The following PTP4A1 variants were observed in gnomAD, a reference collection of about 807,000 sequenced individuals.
The protein encoded by PTP4A1 is protein tyrosine phosphatase type IVA 1.
In PTP4A1, 9 loss-of-function variants were observed where a neutral mutation model predicts 20.5. That is an observed-to-expected ratio of 0.44 (90% CI 0.26 to 0.77). The LOEUF (loss-of-function observed/expected upper bound fraction) is 0.77, where lower values mean the gene tolerates loss of function less well. Ranked by LOEUF, PTP4A1 falls within the 30% of genes least tolerant of loss-of-function variation. PTP4A1 has a pLI of 0.19. For synonymous variants in PTP4A1, 78 were observed against 67.4 expected, an observed-to-expected ratio of 1.16 and a Z score of -0.77; for missense variants, 137 against 218.8, an observed-to-expected ratio of 0.63 and a Z score of 2.36.
chr6:63,563,869 A>C (rs1201056654), intron 3 of PTP4A1, among the ~76,000 whole-genome samples: 1 of 152,248 alleles, frequency 6.6e-6, no homozygotes, highest in African/African-American at 2.4e-5. Flanking sequence ...AAAACTGGGA[A>C]TAGGATGCCC....
upstream of PTP4A1, among the ~76,000 whole-genome samples, chr6:63,567,983 C>G (rs1581942401): frequency 1.3e-5 from 2 of 152,378 alleles, no homozygotes; most frequent in East Asian, 3.9e-4. Flanking sequence ...CCTCACCTCT[C>G]TCAGCCTTCA....
chr6:63,567,691 C>A (rs1160611128), upstream of PTP4A1, among the ~76,000 whole-genome samples: 3 of 152,238 alleles, frequency 2.0e-5, no homozygotes, highest in Non-Finnish European at 2.9e-5. Flanking sequence ...AAGAGAACTG[C>A]CTGTCCTTCG....
intron 1 of PTP4A1, among the ~76,000 whole-genome samples, chr6:63,525,401 A>G (rs1308344482): frequency 6.6e-6 from 1 of 151,634 alleles, no homozygotes; most frequent in Non-Finnish European, 1.5e-5. Flanking sequence ...GGTGGAACAC[A>G]CTCCTTCCCG....
intron 2 of PTP4A1, among the ~76,000 whole-genome samples, chr6:63,530,399 TG>T (rs1392786593): frequency 6.6e-6 from 1 of 152,206 alleles, no homozygotes; most frequent in Non-Finnish European, 1.5e-5. Flanking sequence ...TGGTTTGCCC[TG>T]CCTTTTATTC....
At chr6:63,537,215 G>A (rs1581917386) in intron 2 of PTP4A1, among the ~76,000 whole-genome samples, 1 of 152,146 alleles carries the variant, frequency 6.6e-6, no homozygotes, top group East Asian at 1.9e-4. Flanking sequence ...TCCTGGTCGA[G>A]GCAAATGTGG....
rs748263564 is a variant in PTP4A1 at position 63,576,842 on chromosome 6, A to G, written c.-39A>G. The G allele has an allele frequency of 6.6e-7, 1 of 1,511,558 alleles. No individual in the cohort carries two copies. The highest frequency in any genetic ancestry group is 9.0e-7 in the Non-Finnish European group (1 of 1,105,178). 93.6% of individuals were successfully genotyped at this position (1,511,558 alleles called of 1,614,324 possible). On this transcript the variant is annotated 5_prime_UTR_variant, in exon 2 of 6. Transcript: ENST00000626021. ...ATTTCTGTATTCAATTTTTTTAATT[A>G]TTTCATAACCCTATTGAGTGTTTTT...
At chr6:63,561,015 T>C (rs1247729800) in intron 3 of PTP4A1, among the ~76,000 whole-genome samples, 1 of 152,220 alleles carries the variant, frequency 6.6e-6, no homozygotes, top group Non-Finnish European at 1.5e-5. Flanking sequence ...GCCAGTGCCT[T>C]TGTAATGGAA....
At chr6:63,521,300 A>G (rs1333374705), upstream of PTP4A1, among the ~76,000 whole-genome samples, 1 of 152,246 alleles carries the variant, frequency 6.6e-6, no homozygotes, top group African/African-American at 2.4e-5. Flanking sequence ...TTGCACAGAA[A>G]ATAATATCTG....
intron 5 of PTP4A1, among the ~76,000 whole-genome samples, chr6:63,579,843 C>T (rs1043081064): frequency 1.3e-5 from 2 of 152,062 alleles, no homozygotes; most frequent in Admixed American, 1.3e-4. Flanking sequence ...ACTGTTGTAA[C>T]CAATACTCAA....
intron 3 of PTP4A1, among the ~76,000 whole-genome samples, chr6:63,551,895 G>A (rs1417240357): frequency 6.6e-6 from 1 of 152,114 alleles, no homozygotes; most frequent in African/African-American, 2.4e-5. Context: ...TGGCTGCATA[G>A]TATTCCATGG....
At chr6:63,527,794 A>C (rs1419468089) in intron 1 of PTP4A1, 1 of 152,196 alleles carries the variant, frequency 6.6e-6, no homozygotes, top group African/African-American at 2.4e-5. Context: ...AGCTCACCTG[A>C]CAGATTGCTC....
At chr6:63,554,624 C>T (rs1433995054) in intron 3 of PTP4A1, among the ~76,000 whole-genome samples, 2 of 152,020 alleles carry the variant, frequency 1.3e-5, no homozygotes, top group Admixed American at 6.6e-5. Context: ...ATGGTGAAAC[C>T]CATCTCTACT....
intron 3 of PTP4A1, among the ~76,000 whole-genome samples, chr6:63,561,592 C>A (rs1247445146): frequency 6.6e-6 from 1 of 152,134 alleles, no homozygotes; most frequent in Non-Finnish European, 1.5e-5. Context: ...CAATCACATT[C>A]CAGGGCACTT....
At position 63,537,812 on chromosome 6, in the gene PTP4A1, G is replaced by A. The variant is rs116088163; in HGVS notation, c.-640+9728G>A. 6.2e-3 allele frequency among the ~76,000 whole-genome samples: 952 copies of A among 152,328 alleles called. 2 individuals are homozygous for A. The highest frequency in any genetic ancestry group is 9.1e-3 in the Non-Finnish European group (618 of 68,034). Reference sequence around the variant, plus strand: ...GGAAGGAGGGTGACTATCCTAACCCGTAGGGCACAATGAGGACACCTCAAC... The same window carrying A: ...GGAAGGAGGGTGACTATCCTAACCCATAGGGCACAATGAGGACACCTCAAC... On this transcript the variant is annotated intron_variant, in intron 2 of 3. Coordinates refer to the PTP4A1 transcript ENST00000639568.
chr6:63,516,805 C>T (rs1774745126), upstream of PTP4A1, among the ~76,000 whole-genome samples: 1 of 152,172 alleles, frequency 6.6e-6, no homozygotes, highest in African/African-American at 2.4e-5. Flanking sequence ...TTCCTTCTTC[C>T]TACAGCTAGA....
chr6:63,539,483 A>G (rs1286248759), intron 2 of PTP4A1, among the ~76,000 whole-genome samples: 1 of 152,180 alleles, frequency 6.6e-6, no homozygotes, highest in Admixed American at 6.5e-5. Flanking sequence ...CTAAAAGAAA[A>G]TAGGCAAAGG....
At chr6:63,531,815 T>C (rs1252057574) in intron 2 of PTP4A1, among the ~76,000 whole-genome samples, 1 of 151,996 alleles carries the variant, frequency 6.6e-6, no homozygotes, top group Non-Finnish European at 1.5e-5. Context: ...TATCTGCATG[T>C]TTATGGCCAC....
At chr6:63,543,398 T>A (rs1776061112) in intron 2 of PTP4A1, among the ~76,000 whole-genome samples, 1 of 152,226 alleles carries the variant, frequency 6.6e-6, no homozygotes, top group African/African-American at 2.4e-5. Context: ...CATATTGAAA[T>A]ATTTGGGTCT....
chr6:63,545,349 C>A (rs1388342707), intron 2 of PTP4A1, among the ~76,000 whole-genome samples: 1 of 152,178 alleles, frequency 6.6e-6, no homozygotes, highest in Admixed American at 6.5e-5. Context: ...GTGGCTCATG[C>A]CTGTAATCCC....
Sources: allele counts gnomAD v4.1 joint callset (sites outside exome capture counted in the v4.1 genomes callset), GRCh38; gene constraint gnomAD v4.1.1; transcripts MANE v1.5; gene names NCBI Gene and HGNC (gene_info 2026-07-23, HGNC 2026-07-21).